The following PPM1D variants were observed in gnomAD, a reference collection of about 807,000 sequenced individuals.
PPM1D encodes the protein protein phosphatase 1D.
A neutral mutation model predicts 58.3 loss-of-function variants in PPM1D; 52 were observed. The observed-to-expected ratio is 0.89, with a 90% CI of 0.71 to 1.12. The LOEUF (loss-of-function observed/expected upper bound fraction) is 1.12, where lower values mean the gene tolerates loss of function less well. Ranked by LOEUF, PPM1D falls within the 50% of genes most tolerant of loss-of-function variation. The pLI is 0.00. For synonymous variants in PPM1D, 278 were observed against 285.1 expected, an observed-to-expected ratio of 0.98 and a Z score of 0.25; for missense variants, 564 against 777.2, an observed-to-expected ratio of 0.73 and a Z score of 3.26.
In PPM1D at chr17:60,663,181, A is replaced by C; in HGVS notation, c.1447A>C (p.Thr483Pro). 6.2e-7 allele frequency: 1 copy of C among 1,614,164 alleles called. No homozygotes were observed. The highest frequency in any genetic ancestry group is 8.5e-7 in the Non-Finnish European group (1 of 1,179,988). Residue 483 changes from threonine to proline, a missense_variant, in exon 6 of 6, where the codon ACT becomes CCT. Coordinates refer to ENST00000305921, the MANE Select transcript of PPM1D (RefSeq NM_003620.4). ...TGAAGAAAATTGCGCTAAAGCCCTG[A>C]CTTTAAGGATACATGATTCTTTGAA... ...PLEENCAKAL[T>P]LRIHDSLNNS...
intron 3 of PPM1D, among the ~76,000 whole-genome samples, chr17:60,635,802 A>G (rs2031012512): frequency 6.6e-6 from 1 of 152,228 alleles, no homozygotes; most frequent in South Asian, 2.1e-4. Context: ...CAAAGTGATT[A>G]TCCCAGGTTA....
intron 2 of PPM1D, among the ~76,000 whole-genome samples, chr17:60,627,863 A>G (rs1319491871): frequency 6.6e-6 from 1 of 152,038 alleles, no homozygotes; most frequent in Non-Finnish European, 1.5e-5. Context: ...TAGTCAGTCA[A>G]TGAAGACATT....
intron 1 of PPM1D, among the ~76,000 whole-genome samples, chr17:60,606,223 T>G (rs1473757067): frequency 6.6e-6 from 1 of 152,212 alleles, no homozygotes; most frequent in Non-Finnish European, 1.5e-5. Flanking sequence ...GTACCATGAG[T>G]CAGAATTTCT....
chr17:60,634,686 A>G (rs1289924766), intron 3 of PPM1D, among the ~76,000 whole-genome samples: 2 of 152,200 alleles, frequency 1.3e-5, no homozygotes. Flanking sequence ...TTTGGAAAGA[A>G]GGCTAGAGAA....
At chr17:60,650,016 A>G (rs1259219904) in intron 4 of PPM1D, among the ~76,000 whole-genome samples, 2 of 152,238 alleles carry the variant, frequency 1.3e-5, no homozygotes, top group Non-Finnish European at 2.9e-5. Context: ...CATAAAGACA[A>G]AAACCAGTTT....
intron 4 of PPM1D, among the ~76,000 whole-genome samples, chr17:60,650,803 TGA>T (rs1215888977): frequency 6.6e-6 from 1 of 151,818 alleles, no homozygotes; most frequent in East Asian, 1.9e-4. Flanking sequence ...TATAAATATT[TGA>T]GAGAGAGGGG....
chr17:60,626,915 A>G (rs960134324), intron 2 of PPM1D, among the ~76,000 whole-genome samples: 1 of 151,662 alleles, frequency 6.6e-6, no homozygotes, highest in African/African-American at 2.4e-5. Context: ...AGCCATTTAT[A>G]TTTTCTTTTC....
At chr17:60,629,867 A>C (rs1457385951) in intron 2 of PPM1D, among the ~76,000 whole-genome samples, 6 of 152,024 alleles carry the variant, frequency 3.9e-5, no homozygotes, top group African/African-American at 1.4e-4. Flanking sequence ...GCGAAACCCT[A>C]TCTCTACTAA....
chr17:60,654,628 G>A (rs571439786), intron 4 of PPM1D, among the ~76,000 whole-genome samples: 3 of 151,764 alleles, frequency 2.0e-5, no homozygotes, highest in Admixed American at 6.6e-5. Context: ...TTGGGAGGCC[G>A]AGGCAGGCAG....
At chr17:60,621,885 C>CA (rs774187907) in intron 1 of PPM1D, among the ~76,000 whole-genome samples, 3,427 of 122,106 alleles carry the variant, frequency 0.028, 46 homozygotes, top group Admixed American at 0.052. Context: ...AGAGTTATCT[C>CA]AAAAAAAAAA....
chr17:60,616,004 T>G (rs1460126929), intron 1 of PPM1D, among the ~76,000 whole-genome samples: 2 of 152,102 alleles, frequency 1.3e-5, no homozygotes, highest in African/African-American at 2.4e-5. Flanking sequence ...TAAGATTAAT[T>G]TTTTTGTTTT....
chr17:60,656,883 C>G, intron 5 of PPM1D, 42 bp downstream of exon 5: 1 of 1,612,228 alleles, frequency 6.2e-7, no homozygotes, highest in Non-Finnish European at 8.5e-7. Flanking sequence ...TTAATAGACA[C>G]CAGTTCTTTG....
chr17:60,646,567 T>G (rs989493261), intron 3 of PPM1D, among the ~76,000 whole-genome samples: 4 of 152,212 alleles, frequency 2.6e-5, no homozygotes, highest in African/African-American at 9.6e-5. Flanking sequence ...CTGTCTCCTC[T>G]TCCACATTTA....
Position 60,600,688 on chromosome 17 carries a change from T to C in PPM1D, c.274T>C (p.Cys92Arg), listed in dbSNP as rs1391305414. The C allele has an allele frequency of 6.3e-6, 10 of 1,588,574 alleles. No homozygotes were observed. The highest frequency in any genetic ancestry group is 3.4e-4 in the Middle Eastern group (2 of 5,924). ...AGASPAPSRC[C>R]RRRSSVAFFA... is the part of the protein sequence containing the mutation. ...GGCCTCGCCGGCACCTAGCCGCTGC[T>C]GCCGCCGCCGTTCCTCCGTGGCCTT... Residue 92 changes from cysteine (C) to arginine (R), a missense_variant, in exon 1 of 6, where the codon TGC becomes CGC. Cys to Arg is a radical substitution (Grantham distance 180, BLOSUM62 -3). This residue lies in a region of PPM1D where 132 missense variants were observed against 150.4 expected (regional missense o/e 0.88). Transcript: ENST00000305921.
At chr17:60,619,602 C>G (rs2030657197) in intron 1 of PPM1D, among the ~76,000 whole-genome samples, 1 of 152,016 alleles carries the variant, frequency 6.6e-6, no homozygotes, top group Admixed American at 6.6e-5. Flanking sequence ...TTATCTCTCT[C>G]TTTATTTTTT....
chr17:60,654,962 C>A (rs762942035), intron 4 of PPM1D, among the ~76,000 whole-genome samples: 53 of 151,908 alleles, frequency 3.5e-4, no homozygotes, highest in Non-Finnish European at 7.2e-4. Context: ...TTCTGTGAAA[C>A]CTAGCAGATT....
intron 4 of PPM1D, among the ~76,000 whole-genome samples, chr17:60,649,665 G>A (rs1022261990): frequency 4.0e-5 from 6 of 151,256 alleles, no homozygotes; most frequent in African/African-American, 1.5e-4. Flanking sequence ...CTCCAGCCTG[G>A]GCAATAAGAA....
At chr17:60,621,731 G>A (rs1057117851) in intron 1 of PPM1D, among the ~76,000 whole-genome samples, 14 of 150,198 alleles carry the variant, frequency 9.3e-5, no homozygotes, top group Admixed American at 4.6e-4. Context: ...CTGCCACCAC[G>A]CCCAGCTAAT....
Position 60,648,161 on chromosome 17 carries a change from A to C in PPM1D, c.1017+79A>C. On this transcript the variant is annotated intron_variant, in intron 4 of 5. Coordinates refer to ENST00000305921, the MANE Select transcript of PPM1D (RefSeq NM_003620.4). ...TCTGTCAGAATCTTGAATATGAACT[A>C]AGGACATTGACCTTGGGTAGATTTT... The C allele has an allele frequency of 2.8e-6, 4 of 1,451,038 alleles. No individual in the cohort carries two copies. In the East Asian group the frequency reaches 9.4e-5, roughly 34 times the overall value. The allele number at this position is 1,451,038 out of a possible 1,614,324, so 89.9% of individuals were successfully genotyped here.
Sources: allele counts gnomAD v4.1 joint callset (sites outside exome capture counted in the v4.1 genomes callset), GRCh38; gene constraint gnomAD v4.1.1; regional missense constraint gnomAD v4.1.1; transcripts MANE v1.5; gene names NCBI Gene and HGNC (gene_info 2026-07-23, HGNC 2026-07-21).